Variants in ARHGAP35 observed in about 807,000 individuals in gnomAD.
ARHGAP35 encodes rho GTPase-activating protein 35.
A neutral mutation model predicts 111.1 loss-of-function variants in ARHGAP35; 15 were observed. The ratio of observed to expected loss-of-function variants is 0.13; its 90% CI spans 0.09 to 0.21. ARHGAP35 has a LOEUF of 0.21. Ranked by LOEUF, ARHGAP35 falls within the 10% of genes least tolerant of loss-of-function variation. The pLI is 1.00. For missense variants in ARHGAP35, 1,262 were observed against 1,873.0 expected (o/e 0.67, Z 6.02); for synonymous variants, 643 against 710.3 (o/e 0.91, Z 1.51).
chr19:46,976,574 G>C (rs1304209618), intron 3 of ARHGAP35, among the ~76,000 whole-genome samples: 1 of 152,278 alleles, frequency 6.6e-6, no homozygotes, highest in African/African-American at 2.4e-5. Flanking sequence ...CCAGCCGGCT[G>C]CTTTGCCTGG....
chr19:46,947,828 A>G (rs916585369), intron 3 of ARHGAP35: 5 of 152,234 alleles, frequency 3.3e-5, no homozygotes, highest in Admixed American at 3.3e-4. Context: ...CTTTGGGTTC[A>G]GTTAATTTCT....
chr19:46,915,831 T>C (rs2056159222), intron 1 of ARHGAP35, among the ~76,000 whole-genome samples: 1 of 152,220 alleles, frequency 6.6e-6, no homozygotes, highest in Admixed American at 6.5e-5. Flanking sequence ...CATAACAGTT[T>C]GTTTAACTTA....
At chr19:46,880,088 A>T (rs1443004627) in intron 1 of ARHGAP35, among the ~76,000 whole-genome samples, 8 of 151,704 alleles carry the variant, frequency 5.3e-5, no homozygotes, top group Admixed American at 1.3e-4. Context: ...AATGTCTCAA[A>T]AAATAAATAA....
At chr19:46,955,577 A>T (rs761218349) in intron 3 of ARHGAP35, among the ~76,000 whole-genome samples, 4 of 152,148 alleles carry the variant, frequency 2.6e-5, no homozygotes, top group African/African-American at 7.2e-5. Context: ...CATGAAGGTA[A>T]TTTCATACGA....
At chr19:46,925,730 C>T (rs557591410) in intron 2 of ARHGAP35, among the ~76,000 whole-genome samples, 9 of 152,302 alleles carry the variant, frequency 5.9e-5, no homozygotes, top group Non-Finnish European at 1.0e-4. Flanking sequence ...CAGTCAACTC[C>T]AGCTCCTCCG....
intron 1 of ARHGAP35, among the ~76,000 whole-genome samples, chr19:46,896,621 A>C (rs2056058053): frequency 6.6e-6 from 1 of 152,200 alleles, no homozygotes; most frequent in African/African-American, 2.4e-5. Context: ...GCTTTGCAGC[A>C]GTGCAGTATT....
Position 46,968,944 on chromosome 19 carries a change from G to A in ARHGAP35, c.3827-19045G>A, listed in dbSNP as rs951501521. Among the ~76,000 whole-genome samples the A allele has an allele frequency of 5.9e-5, 9 of 152,092 alleles. 1 individual carries two copies. The highest frequency in any genetic ancestry group is 4.1e-4 in the South Asian group (2 of 4,820). On this transcript the variant is annotated intron_variant, in intron 3 of 6. Transcript: ENST00000672722. Reference sequence around the variant, plus strand: ...TCTACTAAAAATACAAAAATTAGCCGGGCGTAGTGGTGTGTGCCTGTAATC... The same window carrying A: ...TCTACTAAAAATACAAAAATTAGCCAGGCGTAGTGGTGTGTGCCTGTAATC...
intron 3 of ARHGAP35, among the ~76,000 whole-genome samples, chr19:46,939,317 C>T (rs995513598): frequency 1.1e-4 from 17 of 151,488 alleles, no homozygotes; most frequent in South Asian, 2.1e-4. Context: ...TTAATTTCCT[C>T]CTTTATCTGT....
intron 3 of ARHGAP35, among the ~76,000 whole-genome samples, chr19:46,980,433 G>T (rs541819243): frequency 6.6e-6 from 1 of 152,122 alleles, no homozygotes; most frequent in Non-Finnish European, 1.5e-5. Context: ...ACTCATTAAT[G>T]ATGTCATTAC....
chr19:46,966,233 A>T (rs1249021623), intron 3 of ARHGAP35, among the ~76,000 whole-genome samples: 3 of 152,050 alleles, frequency 2.0e-5, no homozygotes, highest in Non-Finnish European at 4.4e-5. Context: ...TTCCATTGAG[A>T]TTTTTATTTT....
chr19:47,000,555 C>G lies in ARHGAP35; in HGVS notation c.4367C>G (p.Ala1456Gly). ...GARPSSPSAVASTVPFLTSTP... is the reference protein window; with the variant it reads ...GARPSSPSAVGSTVPFLTSTP... Reference sequence around the variant, plus strand: ...AGGCCCAGCTCCCCCTCTGCCGTGGCTTCCACCGTCCCCTTCCTCACTTCC... The same window carrying G: ...AGGCCCAGCTCCCCCTCTGCCGTGGGTTCCACCGTCCCCTTCCTCACTTCC... Residue 1456 changes from alanine (A) to glycine (G), a missense_variant, in exon 7 of 7, where the codon GCT becomes GGT. Physicochemically the swap from Ala to Gly is moderately conservative, Grantham distance 60. Coordinates refer to ENST00000672722, the MANE Select transcript of ARHGAP35 (RefSeq NM_004491.5). The surrounding 1 kb of genome is among the most constrained non-coding windows in gnomAD (Gnocchi z 6.9). The G allele has an allele frequency of 1.2e-6, 2 of 1,613,456 alleles. No homozygotes were observed. The highest frequency in any genetic ancestry group is 4.5e-5 in the East Asian group (2 of 44,864).
rs1392740724 is a variant in ARHGAP35, at chr19:47,000,897, G to A, written c.*209G>A. On this transcript the variant is annotated 3_prime_UTR_variant, in exon 7 of 7. Transcript: ENST00000672722. This position sits in a 1 kb window ranked among gnomAD's most constrained non-coding sequence, Gnocchi z 6.9. ...GGCCTGGCGCTGCAGACCTGAGCTG[G>A]CTTGGACCCATTTGAGGACTGAACT... 6.5e-7 allele frequency: 1 copy of A among 1,533,098 alleles called. No individual in the cohort carries two copies. The highest frequency in any genetic ancestry group is 2.0e-5 in the Admixed American group (1 of 50,942). The allele number at this position is 1,533,098 out of a possible 1,614,324, so 95.0% of individuals were successfully genotyped here.
chr19:46,900,521 T>C (rs1390988303), intron 1 of ARHGAP35, among the ~76,000 whole-genome samples: 1 of 152,200 alleles, frequency 6.6e-6, no homozygotes, highest in East Asian at 1.9e-4. Flanking sequence ...ATGCCCAGCC[T>C]TTATTAGCCA....
At chr19:46,932,860 C>G (rs1471846142) in intron 2 of ARHGAP35, among the ~76,000 whole-genome samples, 2 of 152,146 alleles carry the variant, frequency 1.3e-5, no homozygotes, top group African/African-American at 2.4e-5. Flanking sequence ...AAGGATTGAA[C>G]TAAATCTGGG....
chr19:46,972,154 G>A (rs1192884210), intron 3 of ARHGAP35, among the ~76,000 whole-genome samples: 2 of 152,152 alleles, frequency 1.3e-5, no homozygotes, highest in African/African-American at 2.4e-5. Context: ...GCCTACAGGC[G>A]TGCATCAGCA....
chr19:46,886,867 T>TTG (rs1301855048), intron 1 of ARHGAP35, among the ~76,000 whole-genome samples: 1 of 152,208 alleles, frequency 6.6e-6, no homozygotes, highest in African/African-American at 2.4e-5. Flanking sequence ...TAAGGATGGA[T>TTG]TGAGTGTTCA....
At position 46,926,546 on chromosome 19, in the gene ARHGAP35, G is replaced by A. The variant is rs140824417; in HGVS notation, c.3681+4190G>A. Among the ~76,000 whole-genome samples the A allele has an allele frequency of 3.7e-4, 56 of 152,030 alleles. No individual in the cohort carries two copies. The highest frequency in any genetic ancestry group is 1.2e-3 in the African/African-American group (49 of 41,446). On this transcript the variant is annotated intron_variant, in intron 2 of 6. Coordinates refer to ENST00000672722, the MANE Select transcript of ARHGAP35 (RefSeq NM_004491.5). The surrounding 1 kb of genome is among the most constrained non-coding windows in gnomAD (Gnocchi z 4.1). ...CTTTTGGTCATGCTGAAATGGCTGC[G>A]TTTGGTGTGTTTGACTGTGGATTTA...
intron 1 of ARHGAP35, among the ~76,000 whole-genome samples, chr19:46,868,165 G>A (rs2055868681): frequency 6.6e-6 from 1 of 152,170 alleles, no homozygotes; most frequent in African/African-American, 2.4e-5. Context: ...ACCGCGCCTG[G>A]CTCTGGCCCA....
chr19:46,905,741 G>A (rs1015235573), intron 1 of ARHGAP35, among the ~76,000 whole-genome samples: 8 of 152,126 alleles, frequency 5.3e-5, no homozygotes, highest in South Asian at 2.1e-4. Context: ...TAGTAGAGAC[G>A]AGGTTTCACC....
Sources: gnomAD v4.1 joint callset for allele counts (sites outside exome capture counted in the v4.1 genomes callset) on GRCh38, gnomAD v4.1.1 for gene constraint, Gnocchi (gnomAD v3.1) non-coding constraint, MANE v1.5 for transcripts, NCBI Gene and HGNC (gene_info 2026-07-23, HGNC 2026-07-21) for gene names.